Variants in BLVRA observed in about 807,000 individuals in gnomAD.
BLVRA encodes BVR A.
BLVRA carries 22 observed loss-of-function variants against 32.8 expected under a neutral mutation model. The observed-to-expected ratio is 0.67, with a 90% confidence interval of 0.48 to 0.96. The LOEUF is 0.96. BLVRA is among the 40% of genes least tolerant of loss of function. The probability of loss-of-function intolerance (pLI) is 0.00; values close to 1 mark genes in which losing one functional copy is unlikely to be tolerated. For missense variants in BLVRA, 323 were observed against 358.1 expected (o/e 0.90, Z 0.79); for synonymous variants, 119 against 141.3 (o/e 0.84, Z 1.12).
chr7:43,759,416 A>C (rs922649024), intron 1 of BLVRA, among the ~76,000 whole-genome samples: 1 of 152,260 alleles, frequency 6.6e-6, no homozygotes, highest in African/African-American at 2.4e-5. Flanking sequence ...AGTTTTGGAT[A>C]CTAATTTTTT....
At chr7:43,792,634 A>G (rs2095787378) in intron 4 of BLVRA, 81 bp from the exon 5 acceptor site, 1 of 1,350,200 alleles carries the variant, frequency 7.4e-7, no homozygotes, top group Non-Finnish European at 1.0e-6. Flanking sequence ...CCTTTATAAC[A>G]TTCTGTTCTC....
intron 2 of BLVRA, among the ~76,000 whole-genome samples, chr7:43,774,836 C>A (rs577317842): frequency 6.6e-6 from 1 of 152,312 alleles, no homozygotes; most frequent in East Asian, 1.9e-4. Flanking sequence ...TTGTAGTTCT[C>A]TTTGAAGAGG....
At chr7:43,798,527 A>G (rs77578003) in intron 5 of BLVRA, among the ~76,000 whole-genome samples, 181 of 152,222 alleles carry the variant, frequency 1.2e-3, no homozygotes, top group African/African-American at 4.2e-3. Flanking sequence ...ATTGATGTCC[A>G]CATTGTTCCA....
At chr7:43,796,468 T>C (rs1205871467) in intron 5 of BLVRA, among the ~76,000 whole-genome samples, 1 of 152,168 alleles carries the variant, frequency 6.6e-6, no homozygotes, top group Non-Finnish European at 1.5e-5. Flanking sequence ...TGTTTCAGTC[T>C]CTTCAAAAAG....
chr7:43,760,984 G>T (rs2095741607), intron 1 of BLVRA, among the ~76,000 whole-genome samples: 1 of 152,080 alleles, frequency 6.6e-6, no homozygotes, highest in African/African-American at 2.4e-5. Flanking sequence ...GGCTAGGTTG[G>T]TCTCGAACTC....
chr7:43,790,747 A>AC (rs1433576509), intron 3 of BLVRA, among the ~76,000 whole-genome samples: 3 of 152,096 alleles, frequency 2.0e-5, no homozygotes, highest in African/African-American at 7.2e-5. Flanking sequence ...ATCTCGGCTC[A>AC]CTGCAACCTC....
At chr7:43,805,945 G>A (rs1452518221) in intron 7 of BLVRA, among the ~76,000 whole-genome samples, 1 of 152,146 alleles carries the variant, frequency 6.6e-6, no homozygotes, top group African/African-American at 2.4e-5. Flanking sequence ...ATTTTTACTA[G>A]TGAGGAAATT....
In BLVRA at chr7:43,807,293, G is replaced by A. The variant is rs2095805050; in HGVS notation, c.*58G>A. On this transcript the variant is annotated 3_prime_UTR_variant, in exon 8 of 8. Transcript: ENST00000265523. ...CACCAGCATTTGGTTCTTCTCAAGAGTTGACCATTATCTCTATTCTTAAAA... is the reference window on the plus strand; with the variant it reads ...CACCAGCATTTGGTTCTTCTCAAGAATTGACCATTATCTCTATTCTTAAAA... The A allele has an allele frequency of 6.3e-7, 1 of 1,593,474 alleles. No individual in the cohort carries two copies. Among genetic ancestry groups the A allele is most frequent in the Admixed American group, 1.7e-5 (1 of 59,972 alleles).
Position 43,804,093 on chromosome 7 carries a change from T to G in BLVRA, c.632+246T>G, listed in dbSNP as rs368635329. On this transcript the variant is annotated intron_variant, in intron 7 of 7. Transcript: ENST00000265523. Reference sequence around the variant, plus strand: ...AGTCAGTAGACAGAGGCTTACAGAATGCCAGCAGGTTGCCTAAGTCATGCA... The same window carrying G: ...AGTCAGTAGACAGAGGCTTACAGAAGGCCAGCAGGTTGCCTAAGTCATGCA... 4.6e-5 allele frequency among the ~76,000 whole-genome samples: 7 copies of G among 152,342 alleles called. No homozygotes were observed. In the East Asian group the frequency reaches 1.3e-3, roughly 29 times the overall value.
chr7:43,806,907 G>A (rs1231905715), intron 7 of BLVRA, 70 bp from the exon 8 acceptor site: 20 of 1,587,998 alleles, frequency 1.3e-5, no homozygotes, highest in Middle Eastern at 2.3e-4. Context: ...AGGCGGTCTG[G>A]TGCCAGCAAG....
chr7:43,792,342 C>T (rs1036125347), intron 4 of BLVRA, among the ~76,000 whole-genome samples: 1 of 152,228 alleles, frequency 6.6e-6, no homozygotes, highest in Admixed American at 6.5e-5. Flanking sequence ...TTTCAGACTG[C>T]CTCAGGCAAA....
Position 43,787,920 on chromosome 7 carries a change from G to T in BLVRA, c.29G>T (p.Gly10Val), listed in dbSNP as rs771090611. MNAEPERKFGVVVVGVGRAG... is the reference protein window; with the variant it reads MNAEPERKFVVVVVGVGRAG... The stretch of plus-strand genomic sequence containing the variant: ...GTGTTTCAGCCCGAGAGGAAGTTTG[G>T]CGTGGTGGTGGTTGGTGTTGGCCGA... Residue 10 changes from glycine to valine, a missense_variant, in exon 3 of 8, where the codon GGC becomes GTC. Transcript: ENST00000265523. The surrounding 1 kb of genome is among the most constrained non-coding windows in gnomAD (Gnocchi z 4.5). 1.2e-6 allele frequency: 2 copies of T among 1,614,194 alleles called. No individual in the cohort carries two copies. Among genetic ancestry groups the T allele is most frequent in the Non-Finnish European group, 1.7e-6 (2 of 1,180,036 alleles).
intron 5 of BLVRA, among the ~76,000 whole-genome samples, chr7:43,795,688 A>G (rs888347079): frequency 5.3e-5 from 8 of 152,318 alleles, no homozygotes; most frequent in African/African-American, 1.9e-4. Context: ...AATTAGCAGA[A>G]AAAAGCAAGT....
intron 4 of BLVRA, 61 bp from the exon 5 acceptor site, chr7:43,792,654 G>A (rs2132581541): frequency 6.9e-7 from 1 of 1,450,586 alleles, no homozygotes; most frequent in Non-Finnish European, 9.6e-7. Context: ...CTATTATGCA[G>A]AGCATTTCAG....
chr7:43,792,916 A>T, intron 5 of BLVRA, 104 bp downstream of exon 5: 1 of 1,136,744 alleles, frequency 8.8e-7, no homozygotes, highest in Non-Finnish European at 1.3e-6. Flanking sequence ...TCCTGGCTAC[A>T]CTGGCACTGT....
chr7:43,790,364 G>A (rs1445016795), intron 3 of BLVRA, among the ~76,000 whole-genome samples: 3 of 152,030 alleles, frequency 2.0e-5, no homozygotes, highest in African/African-American at 7.2e-5. Context: ...AGGCATTATA[G>A]GAGAAATCAT....
At chr7:43,790,290 G>A (rs924421436) in intron 3 of BLVRA, among the ~76,000 whole-genome samples, 2 of 152,092 alleles carry the variant, frequency 1.3e-5, no homozygotes, top group African/African-American at 4.8e-5. Context: ...GAGTCAGAAG[G>A]CCTTGGGTTC....
intron 1 of BLVRA, among the ~76,000 whole-genome samples, chr7:43,761,582 T>C (rs2095742337): frequency 6.6e-6 from 1 of 152,162 alleles, no homozygotes; most frequent in South Asian, 2.1e-4. Context: ...CATTCATTCA[T>C]TGATCCCCCA....
intron 1 of BLVRA, among the ~76,000 whole-genome samples, chr7:43,763,499 G>C (rs1261521698): frequency 6.6e-6 from 1 of 152,186 alleles, no homozygotes. Flanking sequence ...ATGAAGGTTG[G>C]GGCACGGGGG....
Sources: allele counts gnomAD v4.1 joint callset (sites outside exome capture counted in the v4.1 genomes callset), GRCh38; gene constraint gnomAD v4.1.1; non-coding constraint Gnocchi (gnomAD v3.1); transcripts MANE v1.5; gene names NCBI Gene and HGNC (gene_info 2026-07-23, HGNC 2026-07-21).